R3HDM1: variants seen among roughly 807,000 people sequenced by gnomAD.
The protein encoded by R3HDM1 is R3H domain containing 1, also known as R3H domain-containing protein 1.
R3HDM1 carries 46 observed loss-of-function variants against 141.1 expected under a neutral mutation model. The observed-to-expected ratio is 0.33, with a 90% CI of 0.26 to 0.42. The LOEUF (loss-of-function observed/expected upper bound fraction) is 0.42. R3HDM1 is among the 10% of genes least tolerant of loss of function. The pLI, the probability that R3HDM1 is intolerant of heterozygous loss-of-function variation, is 1.00. For missense variants in R3HDM1, 1,184 were observed against 1,368.3 expected, an observed-to-expected ratio of 0.87 and a Z score of 2.12; for synonymous variants, 435 against 472.9, an observed-to-expected ratio of 0.92 and a Z score of 1.04.
At chr2:135,656,370 G>A (rs2065894015) in intron 18 of R3HDM1, 1 of 151,896 alleles carries the variant, frequency 6.6e-6, no homozygotes, top group Non-Finnish European at 1.5e-5. Context: ...GACATGGTAT[G>A]CCATGTCATA....
intron 25 of R3HDM1, among the ~76,000 whole-genome samples, chr2:135,722,255 C>G (rs1421637350): frequency 6.6e-6 from 1 of 152,174 alleles, no homozygotes; most frequent in Non-Finnish European, 1.5e-5. Flanking sequence ...GATTGGGGCA[C>G]TCTTGCTAAT....
At chr2:135,688,443 AGAT>A (rs2071750662) in intron 21 of R3HDM1, among the ~76,000 whole-genome samples, 1 of 152,218 alleles carries the variant, frequency 6.6e-6, no homozygotes, top group African/African-American at 2.4e-5. Flanking sequence ...TGGATTCATA[AGAT>A]GATGAATGAG....
At chr2:135,616,974 C>G (rs2061076507) in intron 5 of R3HDM1, among the ~76,000 whole-genome samples, 1 of 152,148 alleles carries the variant, frequency 6.6e-6, no homozygotes, top group Non-Finnish European at 1.5e-5. Context: ...ACTTAGGAAT[C>G]ATGTAATTAA....
chr2:135,596,545 C>T (rs1449683085), intron 1 of R3HDM1, among the ~76,000 whole-genome samples: 1 of 152,050 alleles, frequency 6.6e-6, no homozygotes, highest in African/African-American at 2.4e-5. Flanking sequence ...TTTCATTTCC[C>T]TCTCCAGAGG....
At position 135,655,492 on chromosome 2, in the gene R3HDM1, TTTGTTGTTG is replaced by T. The variant is rs543591380; in HGVS notation, c.2028+3481_2028+3489del. ...TCTTTTTCTTTTTCTTTTTTTTGTT[TTTGTTGTTG>T]TTGTTGTTGTTGTTGTTGTTTTTGA... On this transcript the variant is annotated intron_variant, in intron 18 of 26. Coordinates refer to ENST00000683871, the MANE Select transcript of R3HDM1 (RefSeq NM_001378107.1). Among the ~76,000 whole-genome samples, 9 of 151,494 alleles carry T rather than the reference TTTGTTGTTG, an allele frequency of 5.9e-5. No individual in the cohort carries two copies. In the South Asian group the frequency reaches 6.3e-4, roughly 11 times the overall value.
chr2:135,719,939 G>C (rs1244262295), intron 24 of R3HDM1, among the ~76,000 whole-genome samples: 2 of 151,876 alleles, frequency 1.3e-5, no homozygotes, highest in Admixed American at 6.6e-5. Flanking sequence ...TCCACCTCCA[G>C]AGTTCAAGCT....
At chr2:135,691,312 CATT>C (rs2072335019) in intron 21 of R3HDM1, among the ~76,000 whole-genome samples, 2 of 152,168 alleles carry the variant, frequency 1.3e-5, no homozygotes, top group Admixed American at 6.6e-5. Context: ...GTAAAAACTC[CATT>C]ATTAATTTTT....
chr2:135,593,815 G>C (rs999086533), intron 1 of R3HDM1, among the ~76,000 whole-genome samples: 2 of 152,152 alleles, frequency 1.3e-5, no homozygotes, highest in Admixed American at 6.5e-5. Context: ...CCACCTCCCA[G>C]GTTCAAGCGA....
intron 24 of R3HDM1, among the ~76,000 whole-genome samples, chr2:135,720,921 T>C (rs926384159): frequency 2.0e-5 from 3 of 152,328 alleles, no homozygotes; most frequent in Non-Finnish European, 2.9e-5. Context: ...TAGAGTGATA[T>C]GGATTTCAGC....
At chr2:135,541,450 A>C (rs10187747) in intron 1 of R3HDM1, among the ~76,000 whole-genome samples, 4,838 of 152,094 alleles carry the variant, frequency 0.032, 248 homozygotes, top group African/African-American at 0.11. Flanking sequence ...CCTCGTGATC[A>C]GCCTGCCTCT....
intron 24 of R3HDM1, 111 bp downstream of exon 24, chr2:135,715,805 TCTTCAC>T: frequency 6.9e-6 from 9 of 1,305,556 alleles, no homozygotes; most frequent in South Asian, 4.4e-5. Context: ...TAGAGCTGCA[TCTTCAC>T]CTACACTCAG....
At chr2:135,675,513 G>A (rs750121813) in intron 20 of R3HDM1, 27 bp downstream of exon 20, 1 of 1,574,618 alleles carries the variant, frequency 6.4e-7, no homozygotes, top group South Asian at 1.1e-5. Context: ...ATGTACTTTG[G>A]GTAGAGATGA....
intron 19 of R3HDM1, among the ~76,000 whole-genome samples, chr2:135,665,930 G>A (rs1207263061): frequency 6.6e-6 from 1 of 151,900 alleles, no homozygotes; most frequent in African/African-American, 2.4e-5. Flanking sequence ...TTTTCCAAAC[G>A]ATGATGTTGT....
intron 1 of R3HDM1, among the ~76,000 whole-genome samples, chr2:135,551,331 A>G (rs1039300557): frequency 1.3e-5 from 2 of 152,238 alleles, no homozygotes; most frequent in Non-Finnish European, 2.9e-5. Context: ...TGATAACTAA[A>G]ATCAAAGAAG....
intron 3 of R3HDM1, among the ~76,000 whole-genome samples, chr2:135,614,857 C>T (rs921132827): frequency 6.6e-6 from 1 of 151,602 alleles, no homozygotes; most frequent in Non-Finnish European, 1.5e-5. Context: ...CATCTACCAC[C>T]TAGACTAGAT....
At chr2:135,549,955 G>A (rs1413356244) in intron 1 of R3HDM1, 2 of 945,684 alleles carry the variant, frequency 2.1e-6, no homozygotes, top group East Asian at 2.3e-4. Flanking sequence ...TGTAACTTTT[G>A]TATTATAAAT....
intron 18 of R3HDM1, among the ~76,000 whole-genome samples, chr2:135,656,221 A>T (rs1170243193): frequency 6.6e-6 from 1 of 152,174 alleles, no homozygotes; most frequent in African/African-American, 2.4e-5. Flanking sequence ...TTTGAGTAAC[A>T]TTTAAATGGT....
chr2:135,606,896 A>G (rs1194612209), intron 3 of R3HDM1, among the ~76,000 whole-genome samples: 3 of 145,128 alleles, frequency 2.1e-5, no homozygotes, highest in African/African-American at 5.1e-5. Context: ...GCCAAAAAGT[A>G]TAGCTTCATT....
chr2:135,585,979 G>A (rs1287176066), intron 1 of R3HDM1, among the ~76,000 whole-genome samples: 1 of 152,132 alleles, frequency 6.6e-6, no homozygotes, highest in Non-Finnish European at 1.5e-5. Context: ...AAGGCTTTTT[G>A]TTAGTAATAC....
Sources: gnomAD v4.1 joint callset for allele counts (sites outside exome capture counted in the v4.1 genomes callset) on GRCh38, gnomAD v4.1.1 for gene constraint, MANE v1.5 for transcripts, NCBI Gene and HGNC (gene_info 2026-07-23, HGNC 2026-07-21) for gene names.